Variants in PXT1 observed in about 807,000 individuals in gnomAD.
PXT1 encodes the protein peroxisomal testis-specific protein 1.
In PXT1, 11 loss-of-function variants were observed where a neutral mutation model predicts 11.0. The ratio of observed to expected loss-of-function variants is 1.00; its 90% confidence interval spans 0.63 to 1.66. The LOEUF is 1.66. PXT1 is among the 40% of genes most tolerant of loss of function. The probability of loss-of-function intolerance (pLI) is 0.00; values close to 1 mark genes in which losing one functional copy is unlikely to be tolerated. For missense variants in PXT1, 141 were observed against 155.5 expected, an observed-to-expected ratio of 0.91 and a Z score of 0.49; for synonymous variants, 43 against 51.4, an observed-to-expected ratio of 0.84 and a Z score of 0.70.
chr6:36,399,856 G>A (rs1227685553), intron 4 of PXT1, among the ~76,000 whole-genome samples: 1 of 152,120 alleles, frequency 6.6e-6, no homozygotes, highest in Non-Finnish European at 1.5e-5. Flanking sequence ...TAAGAAACCG[G>A]CCAGGGTAGG....
At chr6:36,433,066 T>C (rs976508712) in intron 2 of PXT1, among the ~76,000 whole-genome samples, 4 of 152,168 alleles carry the variant, frequency 2.6e-5, no homozygotes, top group African/African-American at 9.7e-5. Context: ...TTTAGGACTT[T>C]ATTCTTAAAA....
intron 2 of PXT1, among the ~76,000 whole-genome samples, chr6:36,433,041 A>C (rs1015251784): frequency 2.6e-5 from 4 of 152,194 alleles, no homozygotes; most frequent in African/African-American, 7.2e-5. Flanking sequence ...ATATACTTAG[A>C]ATTTCCAATT....
intron 1 of PXT1, 36 bp downstream of exon 1, chr6:36,442,499 T>A (rs1405759020): frequency 6.6e-6 from 1 of 152,216 alleles, no homozygotes; most frequent in East Asian, 1.9e-4. Context: ...TCCGGTTGAT[T>A]TAAAATTTGT....
chr6:36,414,302 G>C (rs1232626469), intron 3 of PXT1, among the ~76,000 whole-genome samples: 4 of 152,172 alleles, frequency 2.6e-5, no homozygotes, highest in Non-Finnish European at 4.4e-5. Flanking sequence ...CAGTGGAAAG[G>C]GAGACTTGGT....
At chr6:36,391,898 G>A (rs1220525369) in intron 4 of PXT1, 24 bp from the exon 5 acceptor site, 2 of 1,322,890 alleles carry the variant, frequency 1.5e-6, no homozygotes, top group Admixed American at 2.5e-5. Context: ...GGGAGACACA[G>A]AGAAAGGTTT....
At position 36,426,831 on chromosome 6, in the gene PXT1, C is replaced by A. The variant is rs531925228; in HGVS notation, c.-9-740G>T. On this transcript the variant is annotated intron_variant, in intron 2 of 4. Coordinates refer to ENST00000454782, the MANE Select transcript of PXT1 (RefSeq NM_152990.4). ...CAACACACTCTTTGTCCTATTTCCT[C>A]ATGTGTGTGTGTGTTTCCTCCCCAA... Among the ~76,000 whole-genome samples, 3 of 151,372 alleles carry A rather than the reference C, an allele frequency of 2.0e-5. No homozygotes were observed. The South Asian group carries it at 6.2e-4, about 31-fold the overall frequency.
rs540445171 is a variant in PXT1, at chr6:36,430,266, A to G, written c.-9-4175T>C. On this transcript the variant is annotated intron_variant, in intron 2 of 4. Coordinates refer to ENST00000454782, the MANE Select transcript of PXT1 (RefSeq NM_152990.4). Reference sequence around the variant, plus strand: ...CTGTCCATTAATTATTAATTCATCTATGGGTTCACATTTTGCTGTCTATGT... The same window carrying G: ...CTGTCCATTAATTATTAATTCATCTGTGGGTTCACATTTTGCTGTCTATGT... Among the ~76,000 whole-genome samples, 9 of 152,214 alleles carry G rather than the reference A, an allele frequency of 5.9e-5. No homozygotes were observed. In the South Asian group the frequency reaches 6.2e-4, roughly 11 times the overall value.
intron 3 of PXT1, among the ~76,000 whole-genome samples, chr6:36,420,319 C>T (rs1241715753): frequency 6.6e-6 from 1 of 152,134 alleles, no homozygotes; most frequent in Admixed American, 6.6e-5. Flanking sequence ...TATGGTATAT[C>T]CACACAATGG....
chr6:36,404,001 G>T (rs1774249967), intron 3 of PXT1, among the ~76,000 whole-genome samples: 1 of 152,182 alleles, frequency 6.6e-6, no homozygotes, highest in Non-Finnish European at 1.5e-5. Flanking sequence ...CAATAACAAT[G>T]TAGGCGAGAG....
chr6:36,432,923 T>C (rs1185659835), intron 2 of PXT1, among the ~76,000 whole-genome samples: 1 of 149,910 alleles, frequency 6.7e-6, no homozygotes, highest in Non-Finnish European at 1.5e-5. Flanking sequence ...TTCTACTCTC[T>C]AGCAGGAAAA....
At position 36,405,519 on chromosome 6, in the gene PXT1, C is replaced by T. The variant is rs370621813; in HGVS notation, c.170-4935G>A. ...TCAGCCTCTCAAGTGGCTGGGACTA[C>T]AGGCACGTGCCACCACGCCTGGCTT... On this transcript the variant is annotated intron_variant, in intron 3 of 4. Transcript: ENST00000454782. Among the ~76,000 whole-genome samples the T allele has an allele frequency of 2.9e-4, 44 of 152,290 alleles. No individual in the cohort carries two copies. The South Asian group carries it at 7.7e-3, about 27-fold the overall frequency.
chr6:36,410,783 C>A (rs1443720938), intron 3 of PXT1, among the ~76,000 whole-genome samples: 3 of 152,154 alleles, frequency 2.0e-5, no homozygotes, highest in African/African-American at 7.2e-5. Flanking sequence ...TAACTCATCT[C>A]CCTAAAGCCC....
intron 2 of PXT1, among the ~76,000 whole-genome samples, chr6:36,433,418 G>A (rs551217324): frequency 3.3e-5 from 5 of 152,064 alleles, no homozygotes; most frequent in Non-Finnish European, 7.4e-5. Context: ...TATAATTCAG[G>A]AAAAGTCATG....
chr6:36,392,138 C>T lies in PXT1; in HGVS notation c.301-264G>A, dbSNP rs758775626. The T allele has an allele frequency of 1.3e-4, 48 of 378,716 alleles. 1 individual carries two copies. The highest frequency in any genetic ancestry group is 1.9e-4 in the Non-Finnish European group (40 of 208,156). The allele number at this position is 378,716 out of a possible 1,614,324, so 23.5% of individuals were successfully genotyped here. The stretch of plus-strand genomic sequence containing the variant: ...AAACTCCTGGGCTCAAGTGATTCTC[C>T]CACCTCGGCCTCCCCAGTAGCTAGG... On this transcript the variant is annotated intron_variant, in intron 4 of 4. Coordinates refer to ENST00000454782, the MANE Select transcript of PXT1 (RefSeq NM_152990.4).
intron 4 of PXT1, among the ~76,000 whole-genome samples, chr6:36,394,360 A>G (rs1486051481): frequency 2.0e-5 from 3 of 152,314 alleles, no homozygotes; most frequent in African/African-American, 4.8e-5. Context: ...CCTGGAAAAA[A>G]TGTTTTAATA....
In PXT1 at chr6:36,400,454, C is replaced by T; in HGVS notation, c.300G>A (p.Glu100=). 6.2e-7 allele frequency: 1 copy of T among 1,613,438 alleles called. No homozygotes were observed. Reference sequence around the variant, plus strand: ...CTGGCTGGGGAAACTGAAGCCTCACCTCTCGAACCATCCTATGATCAATGT... The same window carrying T: ...CTGGCTGGGGAAACTGAAGCCTCACTTCTCGAACCATCCTATGATCAATGT... ...GDNIDHRMVR[E]DLQQDGRDAL... The change falls in exon 4 of 5, where the codon GAG becomes GAA. Residue 100 remains glutamate, a splice_region_variant and synonymous_variant. Coordinates refer to ENST00000454782, the MANE Select transcript of PXT1 (RefSeq NM_152990.4).
chr6:36,420,805 C>T (rs1774512981), intron 3 of PXT1, among the ~76,000 whole-genome samples: 1 of 152,166 alleles, frequency 6.6e-6, no homozygotes, highest in South Asian at 2.1e-4. Context: ...GTAATCCCAG[C>T]ACTTTGGGAG....
At chr6:36,410,406 C>A (rs938703952) in intron 3 of PXT1, among the ~76,000 whole-genome samples, 1 of 147,152 alleles carries the variant, frequency 6.8e-6, no homozygotes, top group African/African-American at 2.5e-5. Context: ...GCCGAGATAG[C>A]GCCATTGCTC....
At chr6:36,401,685 T>G (rs1774217537) in intron 3 of PXT1, among the ~76,000 whole-genome samples, 1 of 151,410 alleles carries the variant, frequency 6.6e-6, no homozygotes, top group Non-Finnish European at 1.5e-5. Context: ...GCTCTAACAA[T>G]TAAATCAATG....
Sources: gnomAD v4.1 joint callset for allele counts (sites outside exome capture counted in the v4.1 genomes callset) on GRCh38, gnomAD v4.1.1 for gene constraint, MANE v1.5 for transcripts, NCBI Gene and HGNC (gene_info 2026-07-23, HGNC 2026-07-21) for gene names.